The following SUCLG2 variants were observed in gnomAD, a reference collection of about 807,000 sequenced individuals.
SUCLG2 encodes succinate-CoA ligase GDP-forming subunit beta, also known as succinate--CoA ligase [GDP-forming] subunit beta, mitochondrial.
In SUCLG2, 42 loss-of-function variants were observed where a neutral mutation model predicts 47.9. The ratio of observed to expected loss-of-function variants is 0.88; its 90% CI spans 0.69 to 1.14. The LOEUF (loss-of-function observed/expected upper bound fraction) is 1.14. Ranked by LOEUF, SUCLG2 falls within the 50% of genes most tolerant of loss-of-function variation. SUCLG2 has a pLI of 0.00. For missense variants in SUCLG2, 571 were observed against 525.9 expected (o/e 1.09, Z -0.84); for synonymous variants, 195 against 197.3 (o/e 0.99, Z 0.10).
intron 9 of SUCLG2, among the ~76,000 whole-genome samples, chr3:67,474,930 C>G (rs1252049163): frequency 6.6e-6 from 1 of 152,016 alleles, no homozygotes; most frequent in Non-Finnish European, 1.5e-5. Context: ...TTTCCCAACC[C>G]TCAGAATTGC....
intron 8 of SUCLG2, among the ~76,000 whole-genome samples, chr3:67,496,253 A>C (rs1408881342): frequency 6.6e-6 from 1 of 152,198 alleles, no homozygotes; most frequent in African/African-American, 2.4e-5. Flanking sequence ...AGTAGTAAAA[A>C]AGGAAGTTTT....
intron 2 of SUCLG2, among the ~76,000 whole-genome samples, chr3:67,548,275 C>T (rs1706918874): frequency 6.6e-6 from 1 of 152,170 alleles, no homozygotes; most frequent in Admixed American, 6.5e-5. Flanking sequence ...ACTGATTTTT[C>T]CCCAATGTTC....
At chr3:67,393,889 GC>G (rs1384503797) in intron 10 of SUCLG2, among the ~76,000 whole-genome samples, 2 of 152,130 alleles carry the variant, frequency 1.3e-5, no homozygotes, top group Non-Finnish European at 2.9e-5. Flanking sequence ...TGCAGCCACC[GC>G]CACTGATACC....
intron 2 of SUCLG2, among the ~76,000 whole-genome samples, chr3:67,607,088 G>A (rs1700432608): frequency 6.6e-6 from 1 of 152,180 alleles, no homozygotes; most frequent in Non-Finnish European, 1.5e-5. Flanking sequence ...ACTGATACCT[G>A]GACAAGACTG....
intron 2 of SUCLG2, among the ~76,000 whole-genome samples, chr3:67,530,590 T>C (rs1167115963): frequency 6.6e-6 from 1 of 152,226 alleles, no homozygotes; most frequent in Non-Finnish European, 1.5e-5. Context: ...AGAAGTATTT[T>C]ACAGAAGGCA....
chr3:67,457,058 T>C (rs1431661227), intron 9 of SUCLG2, among the ~76,000 whole-genome samples: 2 of 152,226 alleles, frequency 1.3e-5, no homozygotes, highest in Non-Finnish European at 1.5e-5. Context: ...TAACATTGTA[T>C]GAACATTAGA....
intron 2 of SUCLG2, among the ~76,000 whole-genome samples, chr3:67,574,151 C>A (rs1383586582): frequency 6.6e-6 from 1 of 152,218 alleles, no homozygotes; most frequent in Non-Finnish European, 1.5e-5. Flanking sequence ...CCTTTCATCT[C>A]TCATCTCTGA....
At chr3:67,513,766 A>G (rs1705859948) in intron 6 of SUCLG2, among the ~76,000 whole-genome samples, 1 of 152,248 alleles carries the variant, frequency 6.6e-6, no homozygotes, top group Admixed American at 6.5e-5. Context: ...CACTTTTGCC[A>G]TCAATTGTTA....
chr3:67,438,350 AG>A (rs1244733172), intron 9 of SUCLG2, among the ~76,000 whole-genome samples: 1 of 152,174 alleles, frequency 6.6e-6, no homozygotes, highest in African/African-American at 2.4e-5. Context: ...CAAATTCAAA[AG>A]GTAGCAGAAA....
intron 2 of SUCLG2, among the ~76,000 whole-genome samples, chr3:67,608,205 C>T (rs1055043828): frequency 6.6e-6 from 1 of 152,128 alleles, no homozygotes; most frequent in East Asian, 1.9e-4. Flanking sequence ...GTGCTCTCCC[C>T]ATGTTCTAAG....
chr3:67,509,830 G>T (rs919547226), intron 6 of SUCLG2, among the ~76,000 whole-genome samples: 3 of 152,182 alleles, frequency 2.0e-5, no homozygotes, highest in African/African-American at 4.8e-5. Context: ...ACTTGCAGCA[G>T]ATCCGTTTTC....
rs1706073737 is a variant in SUCLG2, at chr3:67,520,587, T to C, written c.465A>G (p.Ala155=). The C allele has an allele frequency of 1.2e-6, 2 of 1,613,908 alleles. No homozygotes were observed. Among genetic ancestry groups the C allele is most frequent in the Non-Finnish European group, 8.5e-7 (1 of 1,179,918 alleles). ...CATTGCAGGACCGGTCCATCAGAAT[T>C]GCCAGGTAGGTTTCTCTGGAAATAT... ...ALDISRETYL[A]ILMDRSCNGP... The change falls in exon 5 of 11, where the codon GCA becomes GCG. Residue 155 remains alanine, a synonymous_variant. Transcript: ENST00000307227.
chr3:67,494,780 A>T (rs1705287839), intron 9 of SUCLG2, among the ~76,000 whole-genome samples: 1 of 152,192 alleles, frequency 6.6e-6, no homozygotes, highest in Non-Finnish European at 1.5e-5. Flanking sequence ...CATCTACCTA[A>T]ACCATGTTAT....
intron 9 of SUCLG2, among the ~76,000 whole-genome samples, chr3:67,467,482 C>T (rs1253436475): frequency 1.3e-5 from 2 of 152,160 alleles, no homozygotes; most frequent in Non-Finnish European, 2.9e-5. Flanking sequence ...TAAAGGCCTG[C>T]AATGACAGAC....
intron 10 of SUCLG2, among the ~76,000 whole-genome samples, chr3:67,385,572 C>T (rs1010024189): frequency 1.3e-5 from 2 of 152,216 alleles, no homozygotes; most frequent in South Asian, 4.1e-4. Context: ...GGATATGCCA[C>T]TCAGAGTGAG....
At chr3:67,548,172 G>A (rs1007202556) in intron 2 of SUCLG2, among the ~76,000 whole-genome samples, 2 of 152,196 alleles carry the variant, frequency 1.3e-5, no homozygotes, top group Admixed American at 1.3e-4. Flanking sequence ...GTTTCCTGGA[G>A]TCATACAGCT....
At chr3:67,448,878 A>G (rs1703989767) in intron 9 of SUCLG2, among the ~76,000 whole-genome samples, 1 of 152,102 alleles carries the variant, frequency 6.6e-6, no homozygotes, top group Non-Finnish European at 1.5e-5. Context: ...CTGACTGCTT[A>G]TCATTATTAC....
downstream of SUCLG2, among the ~76,000 whole-genome samples, chr3:67,371,468 G>C (rs936011724): frequency 6.6e-6 from 1 of 152,130 alleles, no homozygotes; most frequent in African/African-American, 2.4e-5. Context: ...TTTGTCTTTT[G>C]GATGGTCATG....
At chr3:67,526,095 A>G (rs1203406234) in intron 4 of SUCLG2, among the ~76,000 whole-genome samples, 1 of 152,200 alleles carries the variant, frequency 6.6e-6, no homozygotes, top group African/African-American at 2.4e-5. Context: ...ATTTAGTGAT[A>G]TGGCCTTTCT....
Sources: allele counts gnomAD v4.1 joint callset (sites outside exome capture counted in the v4.1 genomes callset), GRCh38; gene constraint gnomAD v4.1.1; transcripts MANE v1.5; gene names NCBI Gene and HGNC (gene_info 2026-07-23, HGNC 2026-07-21).